PTPRN2: variants seen among roughly 807,000 people sequenced by gnomAD.
The protein encoded by PTPRN2 is protein tyrosine phosphatase receptor type N2.
A neutral mutation model predicts 118.8 loss-of-function variants in PTPRN2; 74 were observed. The observed-to-expected ratio is 0.62, with a 90% confidence interval of 0.52 to 0.76. The LOEUF is 0.76. Ranked by LOEUF, PTPRN2 falls within the 30% of genes least tolerant of loss-of-function variation. The probability of loss-of-function intolerance (pLI) is 0.00; values close to 1 mark genes in which losing one functional copy is unlikely to be tolerated. For synonymous variants in PTPRN2, 641 were observed against 608.0 expected, an observed-to-expected ratio of 1.05 and a Z score of -0.80; for missense variants, 1,481 against 1,394.4, an observed-to-expected ratio of 1.06 and a Z score of -0.99.
chr7:158,331,798 C>A (rs1422957603), intron 2 of PTPRN2, among the ~76,000 whole-genome samples: 6 of 150,968 alleles, frequency 4.0e-5, no homozygotes, highest in Non-Finnish European at 7.4e-5. Flanking sequence ...AGACATCACT[C>A]ACACCCACAC....
chr7:157,953,069 G>A lies in PTPRN2; in HGVS notation c.1724-54332C>T, dbSNP rs1164230457. ...AGTGCCAGGAACCACCTGACCACAG[G>A]GTGAGCCGTCCAGTGCCAGGAACCA... On this transcript the variant is annotated intron_variant, in intron 11 of 22. Coordinates refer to ENST00000389418, the MANE Select transcript of PTPRN2 (RefSeq NM_002847.5). This position sits in a 1 kb window ranked among gnomAD's most constrained non-coding sequence, Gnocchi z 4.6. 6.6e-6 allele frequency among the ~76,000 whole-genome samples: 1 copy of A among 152,082 alleles called. No homozygotes were observed. Among genetic ancestry groups the A allele is most frequent in the East Asian group, 1.9e-4 (1 of 5,168 alleles).
At chr7:158,414,865 A>G (rs146177449) in intron 2 of PTPRN2, among the ~76,000 whole-genome samples, 1 of 152,254 alleles carries the variant, frequency 6.6e-6, no homozygotes, top group Non-Finnish European at 1.5e-5. Context: ...GGAAAACACT[A>G]CCAGTCATCC....
chr7:158,334,534 GTCAC>G, intron 2 of PTPRN2, among the ~76,000 whole-genome samples: 1 of 107,046 alleles, frequency 9.3e-6, no homozygotes, highest in Non-Finnish European at 2.1e-5. Flanking sequence ...ACCTGCAGAC[GTCAC>G]TCACACCCAC....
intron 11 of PTPRN2, among the ~76,000 whole-genome samples, chr7:157,972,854 C>T (rs1439379419): frequency 2.7e-5 from 4 of 146,552 alleles, no homozygotes; most frequent in Admixed American, 2.0e-4. Flanking sequence ...CTTCAGAGAC[C>T]GCAGAAACTC....
At chr7:158,373,030 C>A (rs369182102) in intron 2 of PTPRN2, among the ~76,000 whole-genome samples, 1 of 152,184 alleles carries the variant, frequency 6.6e-6, no homozygotes, top group Non-Finnish European at 1.5e-5. Flanking sequence ...CCAGAGGATG[C>A]GCTGCACAGG....
At chr7:158,263,533 G>A (rs992203398) in intron 3 of PTPRN2, among the ~76,000 whole-genome samples, 1 of 152,258 alleles carries the variant, frequency 6.6e-6, no homozygotes, top group Non-Finnish European at 1.5e-5. Context: ...ATCAGCATCT[G>A]CTCAGCTTGC....
chr7:157,707,023 G>A (rs1798368638), intron 12 of PTPRN2, among the ~76,000 whole-genome samples: 1 of 152,180 alleles, frequency 6.6e-6, no homozygotes, highest in African/African-American at 2.4e-5. Flanking sequence ...CCGGATCAAG[G>A]TGGACCACAT....
At chr7:158,341,503 C>T (rs1420350429) in intron 2 of PTPRN2, among the ~76,000 whole-genome samples, 1 of 125,410 alleles carries the variant, frequency 8.0e-6, no homozygotes, top group African/African-American at 3.0e-5. Flanking sequence ...GTGACACGTG[C>T]AGACGTCACT....
At chr7:158,337,801 AGGTGAC>A (rs1805980694) in intron 2 of PTPRN2, among the ~76,000 whole-genome samples, 3 of 8,460 alleles carry the variant, frequency 3.5e-4, no homozygotes, top group East Asian at 2.5e-3. Context: ...TCACCATAAG[AGGTGAC>A]GCCCATAGAC....
At chr7:157,885,456 T>C (rs1191293736) in intron 12 of PTPRN2, among the ~76,000 whole-genome samples, 1 of 152,136 alleles carries the variant, frequency 6.6e-6, no homozygotes, top group African/African-American at 2.4e-5. Flanking sequence ...CATGGGGCTT[T>C]CAGAAGGAGG....
At chr7:158,299,877 G>T (rs569441136) in intron 3 of PTPRN2, among the ~76,000 whole-genome samples, 3 of 152,258 alleles carry the variant, frequency 2.0e-5, no homozygotes, top group South Asian at 4.1e-4. Flanking sequence ...TGAGCACCTT[G>T]GTCTGGGAGG....
chr7:158,441,764 GTCA>G (rs1288963593), intron 2 of PTPRN2, among the ~76,000 whole-genome samples: 30 of 142,100 alleles, frequency 2.1e-4, no homozygotes, highest in African/African-American at 8.0e-4. Flanking sequence ...GATAGTGATG[GTCA>G]TGGCAGTGGT....
At chr7:158,082,963 A>G (rs73171576) in intron 10 of PTPRN2, among the ~76,000 whole-genome samples, 1 of 151,992 alleles carries the variant, frequency 6.6e-6, no homozygotes, top group Admixed American at 6.5e-5. Flanking sequence ...GGGCCCTCAG[A>G]AAGGAGGAGG....
At chr7:157,630,504 A>C (rs561616689) in intron 14 of PTPRN2, among the ~76,000 whole-genome samples, 21 of 152,158 alleles carry the variant, frequency 1.4e-4, no homozygotes, top group African/African-American at 4.3e-4. Flanking sequence ...CCTCTAACAC[A>C]CCGTGTGCCC....
intron 12 of PTPRN2, among the ~76,000 whole-genome samples, chr7:157,878,187 G>C (rs11767921): frequency 6.6e-6 from 1 of 152,212 alleles, no homozygotes; most frequent in Non-Finnish European, 1.5e-5. Flanking sequence ...TGTGGTCCAC[G>C]GGAGACCTCA....
chr7:158,537,911 C>T lies in PTPRN2; in HGVS notation c.113-48126G>A, dbSNP rs115833050. ...TAATATTTGCTAGCTTCACCTTGAC[C>T]TCATAAATGTAATTTGTTGTTTCAA... On this transcript the variant is annotated intron_variant, in intron 1 of 22. Coordinates refer to ENST00000389418, the MANE Select transcript of PTPRN2 (RefSeq NM_002847.5). Among the ~76,000 whole-genome samples the T allele has an allele frequency of 9.0e-3, 1,368 of 152,354 alleles. 18 individuals are homozygous for T. Among genetic ancestry groups the T allele is most frequent in the African/African-American group, 0.028 (1,154 of 41,568 alleles).
chr7:158,422,329 G>C (rs918252224), intron 2 of PTPRN2, among the ~76,000 whole-genome samples: 1 of 152,184 alleles, frequency 6.6e-6, no homozygotes, highest in African/African-American at 2.4e-5. Flanking sequence ...TGGTTGGGGA[G>C]AGCTGGAATG....
At chr7:158,342,137 C>G (rs373321914) in intron 2 of PTPRN2, among the ~76,000 whole-genome samples, 1 of 147,850 alleles carries the variant, frequency 6.8e-6, no homozygotes, top group Non-Finnish European at 1.5e-5. Context: ...TAAGAGCTGT[C>G]GCCCGCAGAG....
At chr7:158,315,258 C>T (rs1362765166) in intron 3 of PTPRN2, among the ~76,000 whole-genome samples, 46 of 115,676 alleles carry the variant, frequency 4.0e-4, no homozygotes, top group African/African-American at 1.4e-3. Context: ...GAGGTGAACC[C>T]GGGACCCCCT....
Sources: gnomAD v4.1 joint callset for allele counts (sites outside exome capture counted in the v4.1 genomes callset) on GRCh38, gnomAD v4.1.1 for gene constraint, Gnocchi (gnomAD v3.1) non-coding constraint, MANE v1.5 for transcripts, NCBI Gene and HGNC (gene_info 2026-07-23, HGNC 2026-07-21) for gene names.